The following LUZP2 variants were observed in gnomAD, a reference collection of about 807,000 sequenced individuals.
LUZP2 encodes leucine zipper protein 2.
LUZP2 carries 52 observed loss-of-function variants against 51.6 expected under a neutral mutation model. The observed-to-expected ratio is 1.01, with a 90% CI of 0.81 to 1.27. LUZP2 has a LOEUF of 1.27. LUZP2 is among the 50% of genes most tolerant of loss of function. The pLI is 0.00. For missense variants in LUZP2, 436 were observed against 395.4 expected (o/e 1.10, Z -0.87); for synonymous variants, 154 against 137.3 (o/e 1.12, Z -0.85).
intron 9 of LUZP2, among the ~76,000 whole-genome samples, chr11:25,016,431 C>T (rs1025483700): frequency 6.6e-6 from 1 of 151,956 alleles, no homozygotes; most frequent in African/African-American, 2.4e-5. Context: ...TGGGTTACTT[C>T]ACTTAGAGTA....
At chr11:24,580,862 A>G (rs1414350761) in intron 1 of LUZP2, among the ~76,000 whole-genome samples, 1 of 152,154 alleles carries the variant, frequency 6.6e-6, no homozygotes, top group African/African-American at 2.4e-5. Flanking sequence ...TTGTTCTAGC[A>G]TTACAAACAG....
At chr11:25,043,744 T>C (rs150420194) in intron 9 of LUZP2, among the ~76,000 whole-genome samples, 130 of 148,276 alleles carry the variant, frequency 8.8e-4, no homozygotes, top group African/African-American at 3.1e-3. Flanking sequence ...AGACTATATA[T>C]AATATACATA....
At chr11:24,803,276 T>A (rs972221747) in intron 5 of LUZP2, among the ~76,000 whole-genome samples, 3 of 152,062 alleles carry the variant, frequency 2.0e-5, no homozygotes, top group Non-Finnish European at 4.4e-5. Flanking sequence ...CTTATCATTA[T>A]GGGAATGCAA....
intron 1 of LUZP2, among the ~76,000 whole-genome samples, chr11:24,563,439 A>C (rs566382297): frequency 1.3e-5 from 2 of 152,336 alleles, no homozygotes; most frequent in African/African-American, 4.8e-5. Flanking sequence ...AGCAAACTTA[A>C]GAGACCTTGC....
chr11:24,831,240 A>G (rs994911136), intron 5 of LUZP2, among the ~76,000 whole-genome samples: 1 of 152,180 alleles, frequency 6.6e-6, no homozygotes, highest in Non-Finnish European at 1.5e-5. Context: ...GTTCCATTGG[A>G]GCACAATGTC....
At chr11:25,053,215 A>T (rs1025331010) in intron 10 of LUZP2, among the ~76,000 whole-genome samples, 1 of 152,136 alleles carries the variant, frequency 6.6e-6, no homozygotes, top group African/African-American at 2.4e-5. Flanking sequence ...ATGAGCCCCA[A>T]ATGTATGTTT....
intron 1 of LUZP2, among the ~76,000 whole-genome samples, chr11:24,629,310 A>T (rs10834409): frequency 0.18 from 27,379 of 151,590 alleles, 3,075 homozygotes; most frequent in East Asian, 0.33. Flanking sequence ...TTAGCTCCAA[A>T]TTATGAATGA....
chr11:24,705,939 A>G (rs1857567548), intron 1 of LUZP2, among the ~76,000 whole-genome samples: 1 of 151,970 alleles, frequency 6.6e-6, no homozygotes, highest in Non-Finnish European at 1.5e-5. Context: ...AAAAGAAAAA[A>G]AAAAAAAAGG....
chr11:24,653,730 G>C (rs746670618), intron 1 of LUZP2, among the ~76,000 whole-genome samples: 11 of 152,126 alleles, frequency 7.2e-5, no homozygotes, highest in Non-Finnish European at 1.6e-4. Context: ...CAAAAGGAAA[G>C]CACACTGAGA....
chr11:24,686,248 G>T lies in LUZP2; in HGVS notation c.63-42921G>T, dbSNP rs561972313. On this transcript the variant is annotated intron_variant, in intron 1 of 11. Transcript: ENST00000336930. The stretch of plus-strand genomic sequence containing the variant: ...CAAAAAAAAAAAAATTGGCTAAGTT[G>T]CTTACTTTATCATTTGTAGTGGATT... 9.9e-4 allele frequency among the ~76,000 whole-genome samples: 148 copies of T among 148,854 alleles called. 1 individual carries two copies. The highest frequency in any genetic ancestry group is 3.6e-3 in the African/African-American group (140 of 38,992).
intron 4 of LUZP2, among the ~76,000 whole-genome samples, chr11:24,744,307 T>C (rs546103411): frequency 6.6e-6 from 1 of 152,276 alleles, no homozygotes; most frequent in Non-Finnish European, 1.5e-5. Flanking sequence ...TCTTTGAATA[T>C]CTGGTGGAAT....
rs199869184 is a variant in LUZP2 at position 24,931,209 on chromosome 11, CAAAATAAAATAAAATAAAATAAAAT to C, written c.522+16711_522+16735del. On this transcript the variant is annotated intron_variant, in intron 7 of 11. Coordinates refer to ENST00000336930, the MANE Select transcript of LUZP2 (RefSeq NM_001009909.4). ...CTGATGACAGAGTGAGACTCTGTCT[CAAAATAAAATAAAATAAAATAAAAT>C]AAAATAAAATAAAATAAAATAAAAT... is the stretch of plus-strand genomic sequence containing the variant. Among the ~76,000 whole-genome samples, 531 of 135,114 alleles carry C rather than the reference CAAAATAAAATAAAATAAAATAAAAT, an allele frequency of 3.9e-3. 2 individuals are homozygous for C. Among genetic ancestry groups the C allele is most frequent in the South Asian group, 8.4e-3 (34 of 4,068 alleles). The allele number at this position is 135,114 out of a possible 152,430, so 88.6% of individuals were successfully genotyped here.
Position 25,046,747 on chromosome 11 carries a change from T to C in LUZP2, c.766-3291T>C, listed in dbSNP as rs184382204. ...ATCTATAAAACTCAAAATTGAAAAT[T>C]TAAAAAATCATCAACTATAATATAC... On this transcript the variant is annotated intron_variant, in intron 9 of 11. Coordinates refer to ENST00000336930, the MANE Select transcript of LUZP2 (RefSeq NM_001009909.4). Among the ~76,000 whole-genome samples, 50 of 152,254 alleles carry C rather than the reference T, an allele frequency of 3.3e-4. No homozygotes were observed. In the East Asian group the frequency reaches 8.5e-3, roughly 26 times the overall value.
At chr11:24,921,239 C>T (rs957587973) in intron 7 of LUZP2, among the ~76,000 whole-genome samples, 8 of 152,110 alleles carry the variant, frequency 5.3e-5, no homozygotes, top group African/African-American at 1.2e-4. Flanking sequence ...AGAGGAACCA[C>T]ATGTGCGGCA....
intron 5 of LUZP2, among the ~76,000 whole-genome samples, chr11:24,875,480 A>G (rs1239082024): frequency 1.6e-4 from 21 of 135,450 alleles, no homozygotes; most frequent in African/African-American, 5.0e-4. Context: ...TATGTGCCAC[A>G]TTTTCTTAAT....
At chr11:24,609,729 C>CAAAAAAAAAA (rs34436907) in intron 1 of LUZP2, among the ~76,000 whole-genome samples, 4 of 65,896 alleles carry the variant, frequency 6.1e-5, no homozygotes, top group African/African-American at 2.9e-4. Context: ...GACTCCAGCT[C>CAAAAAAAAAA]AAAAAAAAAA....
At chr11:24,834,243 C>T (rs1352198190) in intron 5 of LUZP2, among the ~76,000 whole-genome samples, 1 of 152,114 alleles carries the variant, frequency 6.6e-6, no homozygotes, top group Non-Finnish European at 1.5e-5. Flanking sequence ...TCTCCCTCCC[C>T]TTGCCCCTCA....
At chr11:24,533,962 A>G (rs1420985911) in intron 1 of LUZP2, among the ~76,000 whole-genome samples, 1 of 151,376 alleles carries the variant, frequency 6.6e-6, no homozygotes, top group East Asian at 1.9e-4. Flanking sequence ...CCACAGGGAC[A>G]GTAATCACTC....
At chr11:24,602,094 A>ATATATGTGTATATATG (rs1565020289) in intron 1 of LUZP2, among the ~76,000 whole-genome samples, 10 of 127,584 alleles carry the variant, frequency 7.8e-5, no homozygotes, top group African/African-American at 2.7e-4. Flanking sequence ...GTATATATGT[A>ATATATGTGTATATATG]TATATGTGTA....
Sources: gnomAD v4.1 joint callset for allele counts (sites outside exome capture counted in the v4.1 genomes callset) on GRCh38, gnomAD v4.1.1 for gene constraint, MANE v1.5 for transcripts, NCBI Gene and HGNC (gene_info 2026-07-23, HGNC 2026-07-21) for gene names.